ARHGAP15: variants seen among roughly 807,000 people sequenced by gnomAD.
The protein encoded by ARHGAP15 is rho GTPase-activating protein 15.
In ARHGAP15, 51 loss-of-function variants were observed where a neutral mutation model predicts 63.7. That is an observed-to-expected ratio of 0.80 (90% CI 0.64 to 1.01). ARHGAP15 has a LOEUF of 1.01. ARHGAP15 is among the 50% of genes least tolerant of loss of function. The pLI is 0.00. For missense variants in ARHGAP15, 560 were observed against 564.6 expected (o/e 0.99, Z 0.08); for synonymous variants, 191 against 193.8 (o/e 0.99, Z 0.12).
At chr2:143,208,632 G>A (rs1160918255) in intron 3 of ARHGAP15, among the ~76,000 whole-genome samples, 1 of 152,118 alleles carries the variant, frequency 6.6e-6, no homozygotes, top group Non-Finnish European at 1.5e-5. Context: ...TGGTTGCTTA[G>A]AAAGTGCTAT....
intron 6 of ARHGAP15, among the ~76,000 whole-genome samples, chr2:143,431,233 T>C (rs539319513): frequency 1.3e-5 from 2 of 152,172 alleles, no homozygotes; most frequent in East Asian, 3.9e-4. Flanking sequence ...CACACAGTCC[T>C]TGACTGTATA....
chr2:143,561,247 G>T (rs1696007041), intron 11 of ARHGAP15, among the ~76,000 whole-genome samples: 2 of 152,268 alleles, frequency 1.3e-5, no homozygotes, highest in South Asian at 2.1e-4. Context: ...ATTCAGTTCA[G>T]ACTCACTTGG....
chr2:143,339,204 G>T (rs560038512), intron 6 of ARHGAP15, among the ~76,000 whole-genome samples: 34 of 152,228 alleles, frequency 2.2e-4, no homozygotes, highest in African/African-American at 7.5e-4. Context: ...GGAGTGTTGG[G>T]TAGTGAAAAA....
At chr2:143,138,237 G>A (rs1389840076) in intron 1 of ARHGAP15, among the ~76,000 whole-genome samples, 1 of 151,952 alleles carries the variant, frequency 6.6e-6, no homozygotes, top group African/African-American at 2.4e-5. Context: ...ATCATGTAAA[G>A]GAATTTGTAT....
intron 12 of ARHGAP15, among the ~76,000 whole-genome samples, chr2:143,691,478 A>G (rs992165488): frequency 1.3e-5 from 2 of 152,224 alleles, no homozygotes; most frequent in Non-Finnish European, 2.9e-5. Flanking sequence ...ACAATGTGCT[A>G]TAAGCCATTT....
At chr2:143,360,150 A>G (rs7557605) in intron 6 of ARHGAP15, among the ~76,000 whole-genome samples, 128,951 of 151,696 alleles carry the variant, frequency 0.85, 55,055 homozygotes, top group East Asian at 0.98. Context: ...AGACCATGGT[A>G]GGAGGACTGC....
intron 8 of ARHGAP15, among the ~76,000 whole-genome samples, chr2:143,439,579 T>C (rs1278699891): frequency 3.3e-5 from 5 of 151,696 alleles, no homozygotes; most frequent in Non-Finnish European, 7.4e-5. Context: ...CACCAGGCAC[T>C]GTTCCAAGTG....
At chr2:143,163,918 C>T (rs1690398212) in intron 2 of ARHGAP15, among the ~76,000 whole-genome samples, 1 of 152,080 alleles carries the variant, frequency 6.6e-6, no homozygotes. Flanking sequence ...TGCCTTTCTG[C>T]TCCTCAGAGA....
At chr2:143,206,070 G>C (rs1692320587) in intron 3 of ARHGAP15, among the ~76,000 whole-genome samples, 1 of 152,088 alleles carries the variant, frequency 6.6e-6, no homozygotes, top group Non-Finnish European at 1.5e-5. Flanking sequence ...CTCAAGCCAG[G>C]AGTAGTAACA....
At chr2:143,352,944 A>G (rs905762116) in intron 6 of ARHGAP15, among the ~76,000 whole-genome samples, 1 of 152,146 alleles carries the variant, frequency 6.6e-6, no homozygotes, top group African/African-American at 2.4e-5. Context: ...CATTATCAAA[A>G]CCATTATTTA....
At chr2:143,439,382 C>T (rs189847883) in intron 8 of ARHGAP15, among the ~76,000 whole-genome samples, 4 of 121,726 alleles carry the variant, frequency 3.3e-5, no homozygotes, top group African/African-American at 1.3e-4. Flanking sequence ...AAGATTTCAC[C>T]ACTGCACTCC....
intron 11 of ARHGAP15, chr2:143,606,736 T>A (rs1392615628): frequency 6.6e-6 from 1 of 152,180 alleles, no homozygotes; most frequent in Non-Finnish European, 1.5e-5. Flanking sequence ...AGGTGTACAC[T>A]TTCCTCAAGG....
chr2:143,413,528 C>A (rs1186994776), intron 6 of ARHGAP15, among the ~76,000 whole-genome samples: 1 of 152,190 alleles, frequency 6.6e-6, no homozygotes, highest in Non-Finnish European at 1.5e-5. Flanking sequence ...TCAATAACAG[C>A]TGTAATAATA....
intron 9 of ARHGAP15, among the ~76,000 whole-genome samples, chr2:143,494,959 G>A (rs1483437025): frequency 6.6e-6 from 1 of 152,196 alleles, no homozygotes; most frequent in Non-Finnish European, 1.5e-5. Flanking sequence ...TTATTTGAAA[G>A]TATAGCAGCT....
chr2:143,375,530 C>T (rs575990751), intron 6 of ARHGAP15, among the ~76,000 whole-genome samples: 44 of 152,074 alleles, frequency 2.9e-4, no homozygotes, highest in Non-Finnish European at 5.9e-4. Flanking sequence ...AGGAACTGTG[C>T]GGCTCACTCA....
At chr2:143,602,096 G>C (rs1172117332) in intron 11 of ARHGAP15, among the ~76,000 whole-genome samples, 1 of 152,032 alleles carries the variant, frequency 6.6e-6, no homozygotes, top group Non-Finnish European at 1.5e-5. Flanking sequence ...AAACAATATA[G>C]GTGGAGGTTT....
At chr2:143,270,799 G>A (rs7606446) in intron 6 of ARHGAP15, among the ~76,000 whole-genome samples, 33,700 of 152,000 alleles carry the variant, frequency 0.22, 4,003 homozygotes, top group South Asian at 0.35. Context: ...GTATGGTATG[G>A]AAACAACCTG....
At chr2:143,413,927 TTGTGTGTGTGTG>T (rs1553476588) in intron 6 of ARHGAP15, among the ~76,000 whole-genome samples, 21 of 128,046 alleles carry the variant, frequency 1.6e-4, no homozygotes, top group African/African-American at 6.0e-4. Context: ...AGGTAGGTAG[TTGTGTGTGTGTG>T]TGTGTGTGTG....
chr2:143,165,479 A>G (rs1690464152), intron 2 of ARHGAP15, among the ~76,000 whole-genome samples: 1 of 152,120 alleles, frequency 6.6e-6, no homozygotes, highest in African/African-American at 2.4e-5. Flanking sequence ...CAATATAGGA[A>G]GACAGGAAAA....
Sources: allele counts gnomAD v4.1 joint callset (sites outside exome capture counted in the v4.1 genomes callset), GRCh38; gene constraint gnomAD v4.1.1; transcripts MANE v1.5; gene names NCBI Gene and HGNC (gene_info 2026-07-23, HGNC 2026-07-21).